ROBO2: variants seen among roughly 807,000 people sequenced by gnomAD.
ROBO2 encodes roundabout guidance receptor 2, also known as roundabout homolog 2.
ROBO2 carries 53 observed loss-of-function variants against 160.8 expected under a neutral mutation model. That is an observed-to-expected ratio of 0.33 (90% CI 0.26 to 0.41). ROBO2 has a LOEUF of 0.41. Among genes scored for constraint, ROBO2 ranks in the 10% least tolerant of loss-of-function variants. ROBO2 has a pLI of 1.00. For synonymous variants in ROBO2, 664 were observed against 611.7 expected (o/e 1.09, Z -1.26); for missense variants, 1,577 against 1,722.4 (o/e 0.92, Z 1.49).
At chr3:77,391,076 C>T (rs1214226685) in intron 2 of ROBO2, among the ~76,000 whole-genome samples, 1 of 151,976 alleles carries the variant, frequency 6.6e-6, no homozygotes, top group Non-Finnish European at 1.5e-5. Flanking sequence ...ATTCCACTCC[C>T]AGGTTCTTTC....
Position 76,985,626 on chromosome 3 carries a change from T to TA in ROBO2, c.110-112381dup, listed in dbSNP as rs552678556. On this transcript the variant is annotated intron_variant, in intron 2 of 26. Transcript: ENST00000487694. Reference sequence around the variant, plus strand: ...AAAAAGAAGATAATCTATTTTTGCATAAAAAAACGGAGCAGTTCATTTCTC... The same window carrying TA: ...AAAAAGAAGATAATCTATTTTTGCATAAAAAAAACGGAGCAGTTCATTTCTC... 6.0e-3 allele frequency among the ~76,000 whole-genome samples: 627 copies of TA among 103,704 alleles called. 6 individuals carry two copies. The highest frequency in any genetic ancestry group is 0.021 in the African/African-American group (602 of 28,348). 68.0% of individuals were successfully genotyped at this position (103,704 alleles called of 152,430 possible).
intron 2 of ROBO2, among the ~76,000 whole-genome samples, chr3:77,156,441 A>G (rs534640843): frequency 4.1e-4 from 62 of 152,184 alleles, no homozygotes; most frequent in African/African-American, 1.4e-3. Flanking sequence ...ACTGTTGTGA[A>G]TGTGCTATTG....
At chr3:76,504,349 T>G (rs2080655342) in intron 2 of ROBO2, among the ~76,000 whole-genome samples, 1 of 152,110 alleles carries the variant, frequency 6.6e-6, no homozygotes, top group Non-Finnish European at 1.5e-5. Flanking sequence ...CAGAAAATGA[T>G]GCAGAAAGCA....
chr3:77,338,781 G>T (rs1420431599), intron 2 of ROBO2, among the ~76,000 whole-genome samples: 1 of 152,076 alleles, frequency 6.6e-6, no homozygotes, highest in African/African-American at 2.4e-5. Flanking sequence ...TTTGCTACTA[G>T]CAAAGCAATG....
intron 2 of ROBO2, among the ~76,000 whole-genome samples, chr3:76,830,756 C>T (rs1051329322): frequency 3.3e-5 from 5 of 150,282 alleles, no homozygotes; most frequent in African/African-American, 9.8e-5. Context: ...GCAGAAGAAT[C>T]GCTTGAGACC....
chr3:76,324,521 C>A (rs1250935364), intron 2 of ROBO2, among the ~76,000 whole-genome samples: 1 of 152,164 alleles, frequency 6.6e-6, no homozygotes, highest in Non-Finnish European at 1.5e-5. Flanking sequence ...TTAGCAATTT[C>A]TTCAATCCGT....
intron 3 of ROBO2, 67 bp downstream of exon 3, chr3:77,477,638 A>G: frequency 7.0e-7 from 1 of 1,420,222 alleles, no homozygotes; most frequent in South Asian, 1.2e-5. Flanking sequence ...AAATAGATGT[A>G]TTTTATTCTT....
intron 2 of ROBO2, among the ~76,000 whole-genome samples, chr3:76,299,890 T>C (rs561092495): frequency 6.6e-6 from 1 of 152,216 alleles, no homozygotes; most frequent in South Asian, 2.1e-4. Flanking sequence ...AACAATGAAA[T>C]TGTTATGAAA....
chr3:77,327,536 T>C (rs2065530199), intron 2 of ROBO2, among the ~76,000 whole-genome samples: 1 of 152,054 alleles, frequency 6.6e-6, no homozygotes, highest in Non-Finnish European at 1.5e-5. Context: ...GGAGAAGGGA[T>C]GAGTAAAGTG....
chr3:77,585,871 A>G (rs1281538497), intron 16 of ROBO2, among the ~76,000 whole-genome samples: 2 of 152,098 alleles, frequency 1.3e-5, no homozygotes, highest in African/African-American at 4.8e-5. Context: ...TTGTCTATTC[A>G]GAACTGGAAA....
intron 2 of ROBO2, among the ~76,000 whole-genome samples, chr3:76,370,244 A>C (rs72896570): frequency 0.06 from 9,152 of 151,936 alleles, 777 homozygotes; most frequent in African/African-American, 0.19. Context: ...TGGGCCAAAA[A>C]GATGATTTAG....
At chr3:77,562,933 CCTT>C (rs1259703829) in intron 10 of ROBO2, among the ~76,000 whole-genome samples, 1 of 152,032 alleles carries the variant, frequency 6.6e-6, no homozygotes, top group Non-Finnish European at 1.5e-5. Flanking sequence ...TCTTTGATAA[CCTT>C]ATTATTTTAT....
At chr3:76,661,412 G>C (rs1188563130) in intron 2 of ROBO2, among the ~76,000 whole-genome samples, 1 of 152,142 alleles carries the variant, frequency 6.6e-6, no homozygotes, top group Non-Finnish European at 1.5e-5. Flanking sequence ...ATTTTGTCAA[G>C]GTTAAGGACA....
chr3:76,844,956 G>A, intron 2 of ROBO2, among the ~76,000 whole-genome samples: 1 of 151,992 alleles, frequency 6.6e-6, no homozygotes, highest in Middle Eastern at 3.4e-3. Context: ...AAGTCAGGAA[G>A]GTCCTCTGAG....
chr3:77,572,850 AGTT>A (rs2093672194), intron 13 of ROBO2, among the ~76,000 whole-genome samples: 1 of 152,200 alleles, frequency 6.6e-6, no homozygotes, highest in Admixed American at 6.6e-5. Flanking sequence ...GGATATTAGT[AGTT>A]AATACATGAA....
chr3:76,625,906 T>C (rs780198118), intron 2 of ROBO2, among the ~76,000 whole-genome samples: 31 of 151,954 alleles, frequency 2.0e-4, no homozygotes, highest in African/African-American at 7.5e-4. Context: ...CTTTGGTGTG[T>C]TAAAAAGAGT....
intron 2 of ROBO2, among the ~76,000 whole-genome samples, chr3:76,859,977 T>C (rs1436753402): frequency 3.3e-5 from 5 of 152,226 alleles, no homozygotes; most frequent in African/African-American, 1.2e-4. Flanking sequence ...TTGCTGGTAT[T>C]ATCTTCGACT....
chr3:77,401,913 A>G (rs182492231), intron 2 of ROBO2, among the ~76,000 whole-genome samples: 3 of 152,064 alleles, frequency 2.0e-5, no homozygotes, highest in South Asian at 4.1e-4. Flanking sequence ...TTTCTCCACA[A>G]TCCTCTCCAG....
intron 2 of ROBO2, among the ~76,000 whole-genome samples, chr3:77,164,661 T>TG (rs1188699899): frequency 5.6e-5 from 5 of 89,458 alleles, no homozygotes; most frequent in East Asian, 3.9e-4. Context: ...GGGAGGGAGG[T>TG]GGGGGGGTCA....
Sources: gnomAD v4.1 joint callset for allele counts (sites outside exome capture counted in the v4.1 genomes callset) on GRCh38, gnomAD v4.1.1 for gene constraint, MANE v1.5 for transcripts, NCBI Gene and HGNC (gene_info 2026-07-23, HGNC 2026-07-21) for gene names.